The following CEP112 variants were observed in gnomAD, a reference collection of about 807,000 sequenced individuals.
CEP112 encodes the protein centrosomal protein 112.
A neutral mutation model predicts 153.0 loss-of-function variants in CEP112; 127 were observed. The ratio of observed to expected loss-of-function variants is 0.83; its 90% CI spans 0.72 to 0.96. The LOEUF (loss-of-function observed/expected upper bound fraction) is 0.96, where lower values mean the gene tolerates loss of function less well. CEP112 is among the 40% of genes least tolerant of loss of function. The probability of loss-of-function intolerance (pLI) is 0.00; values close to 1 mark genes in which losing one functional copy is unlikely to be tolerated. For missense variants in CEP112, 1,089 were observed against 1,101.2 expected (o/e 0.99, Z 0.16); for synonymous variants, 358 against 374.4 (o/e 0.96, Z 0.51).
intron 21 of CEP112, among the ~76,000 whole-genome samples, chr17:65,787,148 A>C (rs1460822782): frequency 1.3e-5 from 2 of 152,142 alleles, no homozygotes; most frequent in African/African-American, 4.8e-5. Flanking sequence ...GGAGGGAAAT[A>C]CTTTTGACTT....
intron 21 of CEP112, among the ~76,000 whole-genome samples, chr17:65,776,832 A>G (rs1475763680): frequency 1.3e-5 from 2 of 152,210 alleles, no homozygotes; most frequent in African/African-American, 4.8e-5. Flanking sequence ...TTACACTCAT[A>G]TATATCATTG....
chr17:65,747,656 T>TA (rs908907445), intron 22 of CEP112, among the ~76,000 whole-genome samples: 19 of 151,258 alleles, frequency 1.3e-4, no homozygotes, highest in South Asian at 6.3e-4. Flanking sequence ...TTTCTTAAGA[T>TA]AAAAAAAAAT....
intron 17 of CEP112, among the ~76,000 whole-genome samples, chr17:65,998,988 T>C (rs190538682): frequency 3.3e-5 from 5 of 152,244 alleles, no homozygotes; most frequent in Middle Eastern, 3.4e-3. Context: ...GAAATACTTT[T>C]ATATCTAGTA....
Position 65,750,652 on chromosome 17 carries a change from T to C in CEP112, c.2457+10A>G. 1 of 1,612,724 alleles carries C rather than the reference T, an allele frequency of 6.2e-7. No homozygotes were observed. Among genetic ancestry groups the C allele is most frequent in the East Asian group, 2.2e-5 (1 of 44,858 alleles). ...TTTTACCCTGTTTTGTGTCTTTTAA[T>C]GTTGCTTACCTGTGAAGATTTGGCA... On this transcript the variant is annotated intron_variant, in intron 22 of 26. Coordinates refer to ENST00000535342, the MANE Select transcript of CEP112 (RefSeq NM_001199165.4).
At chr17:66,098,185 C>T (rs1016460565) in intron 6 of CEP112, among the ~76,000 whole-genome samples, 1 of 152,212 alleles carries the variant, frequency 6.6e-6, no homozygotes, top group Non-Finnish European at 1.5e-5. Context: ...ATTTTGTGTA[C>T]ATCACTATCC....
rs11652766 is a variant in CEP112, at chr17:66,029,213, A to G, written c.1413T>C (p.Asn471=). The G allele has an allele frequency of 0.51, 819,239 of 1,609,546 alleles. 218,896 individuals carry two copies. The highest frequency in any genetic ancestry group is 0.59 in the African/African-American group (44,149 of 74,790). The change falls in exon 14 of 27, where the codon AAT becomes AAC. Residue 471 remains asparagine, a synonymous_variant. Transcript: ENST00000535342. ...ACAGTTTCATGTTTTGCTCATAATC[A>G]TTTACAAGATGGTCCTTCTCTTTAT... The part of the protein sequence containing the change: ...TLHKEKDHLV[N]DYEQNMKLLQ...
At chr17:65,842,637 A>G (rs1483801157) in intron 21 of CEP112, among the ~76,000 whole-genome samples, 1 of 152,146 alleles carries the variant, frequency 6.6e-6, no homozygotes, top group East Asian at 1.9e-4. Flanking sequence ...TTTGTTAATA[A>G]ACAGATGCTC....
intron 23 of CEP112, among the ~76,000 whole-genome samples, chr17:65,729,137 A>G (rs2050349347): frequency 6.6e-6 from 1 of 152,114 alleles, no homozygotes; most frequent in South Asian, 2.1e-4. Flanking sequence ...TCCTTATTCC[A>G]TAAGCTTTCT....
At chr17:66,025,920 T>TACACACACACACACACACAC (rs759825168) in intron 16 of CEP112, among the ~76,000 whole-genome samples, 5,695 of 124,460 alleles carry the variant, frequency 0.046, 216 homozygotes, top group South Asian at 0.09. Flanking sequence ...AAATGTGGCA[T>TACACACACACACACACACAC]ACACACACAC....
intron 8 of CEP112, among the ~76,000 whole-genome samples, chr17:66,070,456 T>C (rs2067270359): frequency 6.6e-6 from 1 of 152,202 alleles, no homozygotes; most frequent in Admixed American, 6.5e-5. Flanking sequence ...TAAATATGAC[T>C]TGAGAATGAA....
At chr17:66,026,959 T>C (rs2065237858) in intron 16 of CEP112, among the ~76,000 whole-genome samples, 1 of 152,240 alleles carries the variant, frequency 6.6e-6, no homozygotes, top group African/African-American at 2.4e-5. Context: ...ACTCATTAAA[T>C]ATAACACACA....
intron 19 of CEP112, among the ~76,000 whole-genome samples, chr17:65,909,310 A>T (rs1210237230): frequency 6.6e-6 from 1 of 152,228 alleles, no homozygotes; most frequent in Non-Finnish European, 1.5e-5. Context: ...TAGAGAAAGT[A>T]GGGAGAGTGG....
intron 25 of CEP112, among the ~76,000 whole-genome samples, chr17:65,637,896 A>G (rs190247803): frequency 3.3e-5 from 5 of 152,320 alleles, no homozygotes; most frequent in African/African-American, 1.2e-4. Flanking sequence ...GGAAACCTCA[A>G]TCCATTCTAG....
At chr17:66,100,693 T>C (rs2068534747) in intron 6 of CEP112, among the ~76,000 whole-genome samples, 1 of 152,250 alleles carries the variant, frequency 6.6e-6, no homozygotes, top group African/African-American at 2.4e-5. Flanking sequence ...ATACTCTCAC[T>C]CTTTACCTTG....
At chr17:65,722,156 C>T (rs922542282) in intron 23 of CEP112, among the ~76,000 whole-genome samples, 1 of 152,166 alleles carries the variant, frequency 6.6e-6, no homozygotes, top group Non-Finnish European at 1.5e-5. Flanking sequence ...TAAAAAGAAC[C>T]AGGCACTTAC....
chr17:65,936,977 G>A (rs914565040), intron 18 of CEP112, among the ~76,000 whole-genome samples: 1 of 150,672 alleles, frequency 6.6e-6, no homozygotes, highest in African/African-American at 2.4e-5. Flanking sequence ...CACCACGCCT[G>A]ACTGGTTTTC....
At position 66,149,884 on chromosome 17, in the gene CEP112, G is replaced by GTTTTTTTTTTTTTTTTTTTTTTTTTT. The variant is rs1242689416; in HGVS notation, c.471-17122_471-17121insAAAAAAAAAAAAAAAAAAAAAAAAAA. On this transcript the variant is annotated intron_variant, in intron 4 of 26. Transcript: ENST00000535342. Reference sequence around the variant, plus strand: ...AAATTTAGGGTTTTTTTTTTTGTTTGTTTGTTTTTTTTTTTTTTTTTTTTT... The same window carrying GTTTTTTTTTTTTTTTTTTTTTTTTTT: ...AAATTTAGGGTTTTTTTTTTTGTTTGTTTTTTTTTTTTTTTTTTTTTTTTTTTTTGTTTTTTTTTTTTTTTTTTTTT... 8.5e-5 allele frequency among the ~76,000 whole-genome samples: 4 copies of GTTTTTTTTTTTTTTTTTTTTTTTTTT among 46,830 alleles called. 1 individual carries two copies. The highest frequency in any genetic ancestry group is 1.5e-4 in the Non-Finnish European group (4 of 26,680). 30.7% of individuals were successfully genotyped at this position (46,830 alleles called of 152,430 possible). A position where few individuals can be genotyped will look rare whatever the true frequency, so the allele number is the denominator to read the frequency against.
intron 23 of CEP112, among the ~76,000 whole-genome samples, chr17:65,740,968 T>G (rs985604228): frequency 5.9e-5 from 9 of 152,176 alleles, no homozygotes; most frequent in African/African-American, 2.2e-4. Context: ...CTCATTTTCA[T>G]GGACAGAATG....
intron 24 of CEP112, among the ~76,000 whole-genome samples, chr17:65,669,006 G>A (rs1011808853): frequency 2.0e-5 from 3 of 152,112 alleles, no homozygotes; most frequent in African/African-American, 4.8e-5. Flanking sequence ...CAATTTCAAC[G>A]GGTAACTTGC....
Sources: gnomAD v4.1 joint callset for allele counts (sites outside exome capture counted in the v4.1 genomes callset) on GRCh38, gnomAD v4.1.1 for gene constraint, MANE v1.5 for transcripts, NCBI Gene and HGNC (gene_info 2026-07-23, HGNC 2026-07-21) for gene names.